The following RBFOX1 variants were observed in gnomAD, a reference collection of about 807,000 sequenced individuals.
RBFOX1 encodes the protein RNA binding protein fox-1 homolog 1.
A neutral mutation model predicts 57.7 loss-of-function variants in RBFOX1; 8 were observed. The ratio of observed to expected loss-of-function variants is 0.14; its 90% CI spans 0.08 to 0.25. The LOEUF is 0.25. RBFOX1 is among the 10% of genes least tolerant of loss of function. RBFOX1 has a pLI of 1.00. For missense variants in RBFOX1, 611 were observed against 548.5 expected, an observed-to-expected ratio of 1.11 and a Z score of -1.14; for synonymous variants, 326 against 222.4, an observed-to-expected ratio of 1.47 and a Z score of -4.15.
At chr16:5,718,284 G>A (rs2051794315) in intron 3 of RBFOX1, among the ~76,000 whole-genome samples, 2 of 152,212 alleles carry the variant, frequency 1.3e-5, no homozygotes, top group African/African-American at 4.8e-5. Context: ...AACCCAATGT[G>A]CAGTGAGAAG....
In RBFOX1 at chr16:6,708,312, T is replaced by A. The variant is rs80052157; in HGVS notation, c.-16+53662T>A. Reference sequence around the variant, plus strand: ...AACACACACACACACACACTCACACTCATTCACAAAAATCACTGTCTTCCC... The same window carrying A: ...AACACACACACACACACACTCACACACATTCACAAAAATCACTGTCTTCCC... On this transcript the variant is annotated intron_variant, in intron 3 of 15. Transcript: ENST00000550418. Among the ~76,000 whole-genome samples the A allele has an allele frequency of 3.1e-3, 453 of 146,382 alleles. 2 individuals are homozygous for A. The East Asian group carries it at 0.052, about 17-fold the overall frequency.
At chr16:5,977,424 C>T (rs1051840363) in intron 4 of RBFOX1, among the ~76,000 whole-genome samples, 1 of 152,164 alleles carries the variant, frequency 6.6e-6, no homozygotes, top group Non-Finnish European at 1.5e-5. Context: ...GGTAATGCTC[C>T]CCCAGGGAAA....
In RBFOX1 at chr16:6,788,021, G is replaced by A. The variant is rs146709275; in HGVS notation, c.-16+133371G>A. Reference sequence around the variant, plus strand: ...GGGGACCGCTTGAGGTCAGGAGTTCGAGACCAGCCAGACCAACATGGTGAA... The same window carrying A: ...GGGGACCGCTTGAGGTCAGGAGTTCAAGACCAGCCAGACCAACATGGTGAA... On this transcript the variant is annotated intron_variant, in intron 3 of 15. Coordinates refer to ENST00000550418, the MANE Select transcript of RBFOX1 (RefSeq NM_018723.4). Among the ~76,000 whole-genome samples the A allele has an allele frequency of 3.4e-3, 512 of 152,116 alleles. 5 individuals are homozygous for A. The highest frequency in any genetic ancestry group is 0.012 in the African/African-American group (487 of 41,514).
chr16:7,417,550 G>GTGTGTGTA (rs2098495139), intron 4 of RBFOX1, among the ~76,000 whole-genome samples: 1 of 151,880 alleles, frequency 6.6e-6, no homozygotes, highest in Non-Finnish European at 1.5e-5. Flanking sequence ...GTGTGTGTGT[G>GTGTGTGTA]TGTGTGTGTG....
chr16:6,484,412 C>T (rs918786021), intron 2 of RBFOX1, among the ~76,000 whole-genome samples: 11 of 151,880 alleles, frequency 7.2e-5, no homozygotes, highest in Non-Finnish European at 1.5e-5. Context: ...ATTAAATTGA[C>T]AATACTGAAC....
At chr16:5,807,559 C>T (rs908659074) in intron 3 of RBFOX1, among the ~76,000 whole-genome samples, 3 of 152,120 alleles carry the variant, frequency 2.0e-5, no homozygotes, top group African/African-American at 7.2e-5. Flanking sequence ...CTCATTATAG[C>T]CTCGTTATAA....
chr16:7,058,666 A>C (rs2053265148), intron 4 of RBFOX1, among the ~76,000 whole-genome samples: 1 of 152,238 alleles, frequency 6.6e-6, no homozygotes, highest in Non-Finnish European at 1.5e-5. Context: ...TGAGGTTGTT[A>C]GAAAAGTGTC....
chr16:6,123,219 T>C (rs2096564880), intron 1 of RBFOX1, among the ~76,000 whole-genome samples: 2 of 152,184 alleles, frequency 1.3e-5, no homozygotes, highest in Non-Finnish European at 2.9e-5. Flanking sequence ...TATTGTAGAA[T>C]TATTTGCAAT....
intron 13 of RBFOX1, chr16:7,671,698 C>G (rs1471998561): frequency 1.8e-6 from 2 of 1,110,162 alleles, no homozygotes; most frequent in African/African-American, 1.5e-5. Flanking sequence ...GAACAGTTCT[C>G]TAACATAGGA....
At chr16:6,960,779 A>G (rs1036707532) in intron 3 of RBFOX1, among the ~76,000 whole-genome samples, 9 of 151,868 alleles carry the variant, frequency 5.9e-5, no homozygotes, top group Non-Finnish European at 8.8e-5. Context: ...CAATCATCAT[A>G]TCCCTGACTG....
intron 4 of RBFOX1, among the ~76,000 whole-genome samples, chr16:7,135,448 G>A (rs891082414): frequency 6.6e-6 from 1 of 152,192 alleles, no homozygotes; most frequent in Non-Finnish European, 1.5e-5. Flanking sequence ...TTCTTACATT[G>A]TTACCAAGCT....
intron 7 of RBFOX1, among the ~76,000 whole-genome samples, chr16:7,594,644 C>G (rs952323139): frequency 6.6e-6 from 1 of 152,110 alleles, no homozygotes; most frequent in Non-Finnish European, 1.5e-5. Context: ...TATATGTTAT[C>G]TATCAGTAAA....
chr16:6,354,222 C>G (rs1000618496), intron 2 of RBFOX1, among the ~76,000 whole-genome samples: 2 of 151,916 alleles, frequency 1.3e-5, no homozygotes, highest in Non-Finnish European at 1.5e-5. Flanking sequence ...ACTGGGTCAA[C>G]ACACAGACAC....
At chr16:6,143,596 C>G (rs1367288841) in intron 1 of RBFOX1, among the ~76,000 whole-genome samples, 4 of 152,100 alleles carry the variant, frequency 2.6e-5, no homozygotes, top group African/African-American at 7.2e-5. Context: ...ATTCTGTTCT[C>G]TCTTGGAGGA....
At chr16:6,728,845 T>C (rs2067857090) in intron 3 of RBFOX1, among the ~76,000 whole-genome samples, 1 of 152,176 alleles carries the variant, frequency 6.6e-6, no homozygotes, top group Non-Finnish European at 1.5e-5. Flanking sequence ...TCATGTAGCA[T>C]TCAAAACAGT....
intron 4 of RBFOX1, among the ~76,000 whole-genome samples, chr16:7,343,675 T>C (rs1342716645): frequency 6.6e-6 from 1 of 152,038 alleles, no homozygotes; most frequent in Non-Finnish European, 1.5e-5. Context: ...GTAATATATC[T>C]TAGGGAGGAA....
chr16:5,242,183 C>T (rs537049489), intron 1 of RBFOX1, among the ~76,000 whole-genome samples: 3 of 152,200 alleles, frequency 2.0e-5, no homozygotes, highest in South Asian at 2.1e-4. Context: ...CATTAAAATG[C>T]TTTCTGGAGG....
chr16:5,445,661 A>G (rs62016397), intron 1 of RBFOX1, among the ~76,000 whole-genome samples: 5,191 of 152,222 alleles, frequency 0.034, 157 homozygotes, highest in Admixed American at 0.075. Context: ...GCATCATCTG[A>G]GTCACTCTGG....
chr16:6,123,519 T>C (rs1367150735), intron 1 of RBFOX1, among the ~76,000 whole-genome samples: 3 of 152,226 alleles, frequency 2.0e-5, no homozygotes, highest in Non-Finnish European at 4.4e-5. Flanking sequence ...TAAGGAGTTA[T>C]TGTTTAGTGA....
Sources: gnomAD v4.1 joint callset for allele counts (sites outside exome capture counted in the v4.1 genomes callset) on GRCh38, gnomAD v4.1.1 for gene constraint, MANE v1.5 for transcripts, NCBI Gene and HGNC (gene_info 2026-07-23, HGNC 2026-07-21) for gene names.